Variants in FLG observed in about 807,000 individuals in gnomAD.
The protein encoded by FLG is epidermal filaggrin.
A neutral mutation model predicts 3.8 loss-of-function variants in FLG; 6 were observed. The observed-to-expected ratio is 1.60, with a 90% CI of 0.87 to 3.15. The LOEUF (loss-of-function observed/expected upper bound fraction) is 3.15. Among genes scored for constraint, FLG ranks in the 30% most tolerant of loss-of-function variants. FLG has a pLI of 0.00. For missense variants in FLG, 7,595 were observed against 5,050.9 expected (o/e 1.50, Z -15.27); for synonymous variants, 2,551 against 1,931.6 (o/e 1.32, Z -8.41).
intron 1 of FLG, among the ~76,000 whole-genome samples, chr1:152,319,789 A>G (rs981911055): frequency 1.3e-5 from 2 of 151,518 alleles, no homozygotes; most frequent in African/African-American, 4.8e-5. Flanking sequence ...AGAGCTAATC[A>G]CCAGAGACCT....
rs769135798 is a variant in FLG, at chr1:152,308,075, C to T, written c.6811G>A (p.Ala2271Thr). The change falls in exon 3 of 3, where the codon GCT becomes ACT. Residue 2271 changes from alanine (A) to threonine (T), a missense_variant. Physicochemically the swap from Ala to Thr is moderately conservative, Grantham distance 58 (BLOSUM62 0). Transcript: ENST00000368799. ...GSASRNHHGSAQEQSRDGSRH... is the reference protein window; with the variant it reads ...GSASRNHHGSTQEQSRDGSRH... The stretch of plus-strand genomic sequence containing the variant: ...GAGCCATCTCTTGACTGCTCCTGAG[C>T]AGATCCATGATGGTTTCTGGACGCA... 4 of 1,613,940 alleles carry T rather than the reference C, an allele frequency of 2.5e-6. No individual in the cohort carries two copies. The South Asian group carries it at 3.3e-5, about 13-fold the overall frequency.
In FLG at chr1:152,302,848, T is replaced by G. The variant is rs1324415779; in HGVS notation, c.12038A>C (p.Asp4013Ala). The stretch of plus-strand genomic sequence containing the variant: ...ACCAAACGCACTTGCTTTACAGATA[T>G]CAGATCTTTCCTTGAAAACAACAGG... ...SNPVVFKERS[D>A]ICKASAFGKD... The change falls in exon 3 of 3, where the codon GAT (aspartate) becomes GCT (alanine). Residue 4013 changes from aspartate to alanine, a missense_variant. By Grantham distance (126) the Asp-to-Ala change is moderately radical. Transcript: ENST00000368799. 2 of 1,614,216 alleles carry G rather than the reference T, an allele frequency of 1.2e-6. No homozygotes were observed. The highest frequency in any genetic ancestry group is 4.5e-5 in the East Asian group (2 of 44,892).
rs1328166991 is a variant in FLG at position 152,313,102 on chromosome 1, G to A, written c.1784C>T (p.Ala595Val). The change falls in exon 3 of 3, where the codon GCT becomes GTT. Residue 595 changes from alanine (A) to valine (V), a missense_variant. Ala to Val is a moderately conservative substitution (Grantham distance 64). Coordinates refer to ENST00000368799, the MANE Select transcript of FLG (RefSeq NM_002016.2). ...GSRHHEASSQ[A>V]DSSRHSQVGQ... is the part of the protein sequence containing the mutation. Reference sequence around the variant, plus strand: ...CACCTGTGAGTGTCTAGAGCTGTCAGCCTGAGAGGAAGCTTCATGATGACG... The same window carrying A: ...CACCTGTGAGTGTCTAGAGCTGTCAACCTGAGAGGAAGCTTCATGATGACG... 1.2e-6 allele frequency: 2 copies of A among 1,613,936 alleles called. No individual in the cohort carries two copies. Among genetic ancestry groups the A allele is most frequent in the Non-Finnish European group, 8.5e-7 (1 of 1,180,004 alleles).
In FLG at chr1:152,308,089, T is replaced by C. The variant is rs978346449; in HGVS notation, c.6797A>G (p.Asn2266Ser). 6.8e-5 allele frequency: 110 copies of C among 1,613,768 alleles called. No individual in the cohort carries two copies. Among genetic ancestry groups the C allele is most frequent in the Non-Finnish European group, 8.4e-5 (99 of 1,179,966 alleles). The change falls in exon 3 of 3, where the codon AAC becomes AGC. Residue 2266 changes from asparagine (N) to serine (S), a missense_variant. By Grantham distance (46) the Asn-to-Ser change is conservative. Coordinates refer to ENST00000368799, the MANE Select transcript of FLG (RefSeq NM_002016.2). Reference protein sequence around the residue: ...SERRSGSASRNHHGSAQEQSR... With the variant: ...SERRSGSASRSHHGSAQEQSR... ...CTGCTCCTGAGCAGATCCATGATGG[T>C]TTCTGGACGCAGACCCAGACCGCCT...
Position 152,309,346 on chromosome 1 carries a change from G to A in FLG, c.5540C>T (p.Thr1847Met), listed in dbSNP as rs766634595. The A allele has an allele frequency of 3.3e-5, 53 of 1,613,694 alleles. No homozygotes were observed. Among genetic ancestry groups the A allele is most frequent in the East Asian group, 1.8e-4 (8 of 44,810 alleles). Reference protein sequence around the residue: ...GHSGSHHSHTTSQERSDVSRG... With the variant: ...GHSGSHHSHTMSQERSDVSRG... Reference sequence around the variant, plus strand: ...GGAGACATCAGACCTTTCCTGGGACGTGGTGTGGCTGTGATGAGACCCTGA... The same window carrying A: ...GGAGACATCAGACCTTTCCTGGGACATGGTGTGGCTGTGATGAGACCCTGA... Residue 1847 changes from threonine to methionine, a missense_variant, in exon 3 of 3, where the codon ACG becomes ATG. Coordinates refer to ENST00000368799, the MANE Select transcript of FLG (RefSeq NM_002016.2).
chr1:152,318,048 T>C (rs1032497838), intron 1 of FLG, among the ~76,000 whole-genome samples: 1 of 151,992 alleles, frequency 6.6e-6, no homozygotes, highest in Non-Finnish European at 1.5e-5. Flanking sequence ...TCTCTAGTAG[T>C]TTATTTTTAT....
intron 1 of FLG, among the ~76,000 whole-genome samples, chr1:152,323,983 CAG>C (rs1464955783): frequency 6.6e-6 from 1 of 151,588 alleles, no homozygotes. Context: ...ATGATAATGG[CAG>C]AGAGGGGGAT....
chr1:152,308,423 C>T lies in FLG; in HGVS notation c.6463G>A (p.Glu2155Lys). The T allele has an allele frequency of 1.2e-6, 2 of 1,613,904 alleles. No individual in the cohort carries two copies. Among genetic ancestry groups the T allele is most frequent in the African/African-American group, 1.3e-5 (1 of 74,990 alleles). ...SRGGRQGSHQ[E>K]QSVDRSGHSG... is the part of the protein sequence containing the mutation. ...TGTCCAGACCTATCTACCGATTGCT[C>T]TTGGTGGGACCCCTGTCTTCCTCCT... Residue 2155 changes from glutamate to lysine, a missense_variant, in exon 3 of 3, where the codon GAG becomes AAG. By Grantham distance (56) the Glu-to-Lys change is moderately conservative. Coordinates refer to ENST00000368799, the MANE Select transcript of FLG (RefSeq NM_002016.2).
In FLG at chr1:152,307,956, G is replaced by A. The variant is rs1652093911; in HGVS notation, c.6930C>T (p.Ser2310=). 1.9e-6 allele frequency: 3 copies of A among 1,614,144 alleles called. No homozygotes were observed. Among genetic ancestry groups the A allele is most frequent in the Non-Finnish European group, 1.7e-6 (2 of 1,180,038 alleles). ...RQSGTHHAEN[S]SGGQAASSHE... is the part of the protein sequence containing the mutation. ...GGGATGATGCAGCCTGTCCACCAGA[G>A]GAATTCTCTGCATGATGAGTGCCTG... is the stretch of plus-strand genomic sequence containing the variant. Residue 2310 remains serine, a synonymous_variant, in exon 3 of 3, where the codon TCC becomes TCT. Coordinates refer to ENST00000368799, the MANE Select transcript of FLG (RefSeq NM_002016.2).
At position 152,315,406 on chromosome 1, in the gene FLG, T is replaced by G; in HGVS notation, c.51A>C (p.Gln17His). The change falls in exon 2 of 3, where the codon CAA becomes CAC. Residue 17 changes from glutamine (Q) to histidine (H), a missense_variant. Coordinates refer to ENST00000368799, the MANE Select transcript of FLG (RefSeq NM_002016.2). ...CAGTGTTTTTATCTTTTTTTGAATA[T>G]TGCTTGAAAAGATTAATTATGGCAA... is the stretch of plus-strand genomic sequence containing the variant. Reference protein sequence around the residue: ...NIFAIINLFKQYSKKDKNTDT... With the variant: ...NIFAIINLFKHYSKKDKNTDT... 1.9e-6 allele frequency: 3 copies of G among 1,611,910 alleles called. No individual in the cohort carries two copies. The highest frequency in any genetic ancestry group is 2.2e-5 in the East Asian group (1 of 44,748).
chr1:152,305,017 G>A lies in FLG; in HGVS notation c.9869C>T (p.Ser3290Phe), dbSNP rs781531415. 1.1e-5 allele frequency: 17 copies of A among 1,613,804 alleles called. No homozygotes were observed. The highest frequency in any genetic ancestry group is 1.2e-5 in the Non-Finnish European group (14 of 1,179,996). ...ETSSGGQAAS[S>F]HEQARSSPGE... ...TGGACTTGATCTTGCCTGTTCATGGGATGATGCAGCCTGTCCACCAGAGGA... is the reference window on the plus strand; with the variant it reads ...TGGACTTGATCTTGCCTGTTCATGGAATGATGCAGCCTGTCCACCAGAGGA... Residue 3290 changes from serine to phenylalanine, a missense_variant, in exon 3 of 3, where the codon TCC becomes TTC. Physicochemically the swap from Ser to Phe is radical, Grantham distance 155. Coordinates refer to ENST00000368799, the MANE Select transcript of FLG (RefSeq NM_002016.2).
chr1:152,304,655 G>A lies in FLG; in HGVS notation c.10231C>T (p.Gln3411Ter). The stretch of plus-strand genomic sequence containing the variant: ...CGTGCCTGCTCGTGGTGGGATCCTT[G>A]TCTTCGTCCAGTGCTGGTCCTGGTC... ...GRTRTSTGRR[Q>*]GSHHEQARDS... The change falls in exon 3 of 3, where the codon CAA (glutamine) becomes TAA (stop). Residue 3411 changes from glutamine to a stop codon, truncating the protein, a stop_gained. Transcript: ENST00000368799. LOFTEE classifies it low-confidence loss of function (END_TRUNC). 2 of 1,611,964 alleles carry A rather than the reference G, an allele frequency of 1.2e-6. No individual in the cohort carries two copies. The highest frequency in any genetic ancestry group is 1.1e-5 in the South Asian group (1 of 90,652).
rs749630051 is a variant in FLG at position 152,306,163 on chromosome 1, G to C, written c.8723C>G (p.Ser2908Cys). 3 of 1,601,622 alleles carry C rather than the reference G, an allele frequency of 1.9e-6. No homozygotes were observed. The South Asian group carries it at 3.3e-5, about 18-fold the overall frequency. The change falls in exon 3 of 3, where the codon TCT (serine) becomes TGT (cysteine). Residue 2908 changes from serine to cysteine, a missense_variant. By Grantham distance (112) the Ser-to-Cys change is moderately radical (BLOSUM62 -1). Coordinates refer to ENST00000368799, the MANE Select transcript of FLG (RefSeq NM_002016.2). ...EGHSEDSERW[S>C]GSASRNHHGS... ...ATGATGGTTTCTGGAAGCAGACCCA[G>C]ACCACCTCTCAGAGTCTTCTGAATG...
At position 152,311,209 on chromosome 1, in the gene FLG, G is replaced by T. The variant is rs1046248705; in HGVS notation, c.3677C>A (p.Ser1226Ter). The change falls in exon 3 of 3, where the codon TCA (serine) becomes TAA (stop). Residue 1226 changes from serine to a stop codon, truncating the protein, a stop_gained. Transcript: ENST00000368799. LOFTEE classifies it low-confidence loss of function (END_TRUNC). Reference protein sequence around the residue: ...ASRQTRKDKQSGDGSRHSGSR... With the variant: ...ASRQTRKDKQ ...CCCTGAGTGCCTGGAGCCGTCTCCT[G>T]ATTGTTTGTCCTTACGAGTTTGTCT... The T allele has an allele frequency of 6.2e-7, 1 of 1,613,712 alleles. No individual in the cohort carries two copies. The highest frequency in any genetic ancestry group is 8.5e-7 in the Non-Finnish European group (1 of 1,179,978).
chr1:152,304,943 G>A lies in FLG; in HGVS notation c.9943C>T (p.His3315Tyr), dbSNP rs1651850592. ...GCTTGTCCACGCGGAATGCCTGAGTGTCTGGAGCTGTCTGCTGACTGCTGG... is the reference window on the plus strand; with the variant it reads ...GCTTGTCCACGCGGAATGCCTGAGTATCTGGAGCTGTCTGCTGACTGCTGG... ...RHQQSADSSR[H>Y]SGIPRGQASS... is the part of the protein sequence containing the mutation. The change falls in exon 3 of 3, where the codon CAC (histidine) becomes TAC (tyrosine). Residue 3315 changes from histidine (H) to tyrosine (Y), a missense_variant. Coordinates refer to ENST00000368799, the MANE Select transcript of FLG (RefSeq NM_002016.2). 1 of 1,613,894 alleles carries A rather than the reference G, an allele frequency of 6.2e-7. No individual in the cohort carries two copies. The highest frequency in any genetic ancestry group is 8.5e-7 in the Non-Finnish European group (1 of 1,179,986).
At position 152,309,565 on chromosome 1, in the gene FLG, T is replaced by A. The variant is rs1236434904; in HGVS notation, c.5321A>T (p.Gln1774Leu). The A allele has an allele frequency of 1.2e-6, 2 of 1,613,852 alleles. No homozygotes were observed. The highest frequency in any genetic ancestry group is 3.3e-5 in the Admixed American group (2 of 59,996). ...SFLYQVSTHE[Q>L]SESAHGRTGP... ...TGTGCGTCCATGGGCGGACTCAGACTGTTCATGAGTGCTCACCTGGTAGAG... is the reference window on the plus strand; with the variant it reads ...TGTGCGTCCATGGGCGGACTCAGACAGTTCATGAGTGCTCACCTGGTAGAG... Residue 1774 changes from glutamine (Q) to leucine (L), a missense_variant, in exon 3 of 3, where the codon CAG becomes CTG. Coordinates refer to ENST00000368799, the MANE Select transcript of FLG (RefSeq NM_002016.2).
Position 152,313,650 on chromosome 1 carries a change from A to G in FLG, c.1236T>C (p.Arg412=), listed in dbSNP as rs11582620. The G allele has an allele frequency of 0.12, 192,707 of 1,613,394 alleles. 12,680 individuals carry two copies. Among genetic ancestry groups the G allele is most frequent in the South Asian group, 0.21 (18,860 of 91,018 alleles). ...GACTACCGCTAGACCCCCGGTGTCC[A>G]CGATCGCTGACTGCAGATGAAGCTT... ...RGQASSAVSD[R]GHRGSSGSQA... is the part of the protein sequence containing the mutation. Residue 412 remains arginine, a synonymous_variant, in exon 3 of 3, where the codon CGT becomes CGC. Coordinates refer to ENST00000368799, the MANE Select transcript of FLG (RefSeq NM_002016.2).
rs200035512 is a variant in FLG, at chr1:152,308,958, T to A, written c.5928A>T (p.Gln1976His). The A allele has an allele frequency of 1.2e-6, 2 of 1,614,110 alleles. No homozygotes were observed. Among genetic ancestry groups the A allele is most frequent in the Non-Finnish European group, 1.7e-6 (2 of 1,179,972 alleles). ...AAGACTCTGTGTGACGAGTGCCTGA[T>A]TGTCTGGAGCTGTCTGCAGAGTGCC... The part of the protein sequence containing the change: ...GHGHSADSSR[Q>H]SGTRHTESSS... The change falls in exon 3 of 3, where the codon CAA becomes CAT. Residue 1976 changes from glutamine to histidine, a missense_variant. By Grantham distance (24) the Gln-to-His change is conservative (BLOSUM62 0). Transcript: ENST00000368799.
At position 152,307,214 on chromosome 1, in the gene FLG, T is replaced by A. The variant is rs770183566; in HGVS notation, c.7672A>T (p.Arg2558Trp). Residue 2558 changes from arginine to tryptophan, a missense_variant, in exon 3 of 3, where the codon AGG becomes TGG. Coordinates refer to ENST00000368799, the MANE Select transcript of FLG (RefSeq NM_002016.2). ...QVGQGQSEGP[R>W]TSRNWGSSFS... ...CTGGATCCCCAGTTCCTGCTTGTCC[T>A]GGGCCCCTCTGATTGTCCCTGGCCC... is the stretch of plus-strand genomic sequence containing the variant. 78 of 1,612,824 alleles carry A rather than the reference T, an allele frequency of 4.8e-5. No homozygotes were observed. The highest frequency in any genetic ancestry group is 6.4e-5 in the Non-Finnish European group (75 of 1,180,018).
Sources: allele counts gnomAD v4.1 joint callset (sites outside exome capture counted in the v4.1 genomes callset), GRCh38; gene constraint gnomAD v4.1.1; transcripts MANE v1.5; gene names NCBI Gene and HGNC (gene_info 2026-07-23, HGNC 2026-07-21).